The following RALGAPB variants were observed in gnomAD, a reference collection of about 807,000 sequenced individuals.
RALGAPB encodes the protein Ral GTPase activating protein non-catalytic subunit beta.
Under a neutral mutation model 161.1 loss-of-function variants are expected in RALGAPB, and 25 were observed. The ratio of observed to expected loss-of-function variants is 0.16; its 90% CI spans 0.11 to 0.22. The LOEUF (loss-of-function observed/expected upper bound fraction) is 0.22. Ranked by LOEUF, RALGAPB falls within the 10% of genes least tolerant of loss-of-function variation. The pLI, the probability that RALGAPB is intolerant of heterozygous loss-of-function variation, is 1.00. For missense variants in RALGAPB, 1,391 were observed against 1,815.2 expected (o/e 0.77, Z 4.25); for synonymous variants, 629 against 626.1 (o/e 1.00, Z -0.07).
chr20:38,490,460 G>A (rs760586318), intron 2 of RALGAPB, among the ~76,000 whole-genome samples: 25 of 151,142 alleles, frequency 1.7e-4, no homozygotes, highest in Non-Finnish European at 2.5e-4. Context: ...TGCCCGCCTC[G>A]GCCTCCCAAA....
chr20:38,513,071 A>G (rs1002634506), intron 6 of RALGAPB, among the ~76,000 whole-genome samples: 4 of 152,096 alleles, frequency 2.6e-5, no homozygotes, highest in Admixed American at 2.6e-4. Flanking sequence ...GCAATTAAAA[A>G]TTTTTAAAAA....
chr20:38,529,599 G>A (rs1338231393), intron 13 of RALGAPB, among the ~76,000 whole-genome samples: 2 of 151,996 alleles, frequency 1.3e-5, no homozygotes, highest in Non-Finnish European at 2.9e-5. Context: ...TTGGGAGGCC[G>A]AGGTGGGTGG....
chr20:38,483,072 A>G (rs1413598374), intron 1 of RALGAPB, among the ~76,000 whole-genome samples: 3 of 152,124 alleles, frequency 2.0e-5, no homozygotes, highest in Non-Finnish European at 2.9e-5. Context: ...TGTTTTTTGT[A>G]GAGTTGGGTT....
rs1249102182 is a variant in RALGAPB at position 38,493,144 on chromosome 20, C to G, written c.389+12C>G. The G allele has an allele frequency of 3.2e-6, 5 of 1,567,234 alleles. No homozygotes were observed. Among genetic ancestry groups the G allele is most frequent in the Non-Finnish European group, 3.5e-6 (4 of 1,141,366 alleles). Reference sequence around the variant, plus strand: ...CTTTTTGTACCAAGGTAAGCTATACCTGTCTATCTGGCCCATTATCAGGGT... The same window carrying G: ...CTTTTTGTACCAAGGTAAGCTATACGTGTCTATCTGGCCCATTATCAGGGT... On this transcript the variant is annotated intron_variant, in intron 3 of 29. Coordinates refer to ENST00000262879, the MANE Select transcript of RALGAPB (RefSeq NM_020336.4).
rs1429933919 is a variant in RALGAPB, at chr20:38,493,200, G to A, written c.389+68G>A. 8 of 1,274,336 alleles carry A rather than the reference G, an allele frequency of 6.3e-6. No homozygotes were observed. The East Asian group carries it at 1.9e-4, about 30-fold the overall frequency. The allele number at this position is 1,274,336 out of a possible 1,614,324, so 78.9% of individuals were successfully genotyped here. A position where few individuals can be genotyped will look rare whatever the true frequency, so the allele number is the denominator to read the frequency against. ...TAAAATATTCATAAACGTTACTATA[G>A]TATAGGAGCTGATTTCATTGTTAGT... On this transcript the variant is annotated intron_variant, in intron 3 of 29. Coordinates refer to ENST00000262879, the MANE Select transcript of RALGAPB (RefSeq NM_020336.4).
intron 19 of RALGAPB, chr20:38,546,802 C>T (rs1181488269): frequency 5.1e-6 from 1 of 194,246 alleles, no homozygotes; most frequent in Non-Finnish European, 1.1e-5. Flanking sequence ...GTGCTACCTA[C>T]ACAGGCTAGA....
rs543088289 is a variant in RALGAPB, at chr20:38,534,685, G to A, written c.2246-389G>A. 1.4e-3 allele frequency among the ~76,000 whole-genome samples: 216 copies of A among 152,310 alleles called. 1 individual carries two copies. Among genetic ancestry groups the A allele is most frequent in the Non-Finnish European group, 2.5e-3 (171 of 68,028 alleles). On this transcript the variant is annotated intron_variant, in intron 15 of 29. Transcript: ENST00000262879. ...GTAATTCCTAGCATCTGAGGAGGCCGTAAAATTAGAACTTTCCTCTGTAAA... is the reference window on the plus strand; with the variant it reads ...GTAATTCCTAGCATCTGAGGAGGCCATAAAATTAGAACTTTCCTCTGTAAA...
At chr20:38,516,066 A>T in intron 6 of RALGAPB, 126 bp from the exon 7 acceptor site, 1 of 709,204 alleles carries the variant, frequency 1.4e-6, no homozygotes, top group Non-Finnish European at 2.2e-6. Context: ...GGCCCATTAA[A>T]TACAAATCAG....
chr20:38,557,612 C>T (rs1009983740), intron 22 of RALGAPB, among the ~76,000 whole-genome samples: 4 of 152,200 alleles, frequency 2.6e-5, no homozygotes, highest in Non-Finnish European at 5.9e-5. Flanking sequence ...TGGAATCATA[C>T]AGTATGTAGT....
intron 5 of RALGAPB, among the ~76,000 whole-genome samples, chr20:38,503,076 C>T (rs1314027172): frequency 6.6e-6 from 1 of 152,204 alleles, no homozygotes; most frequent in Non-Finnish European, 1.5e-5. Flanking sequence ...TGCTTCAAGC[C>T]TACAAGTGTC....
In RALGAPB at chr20:38,510,119, C is replaced by G. The variant is rs563913299; in HGVS notation, c.872+911C>G. ...ATCTGTCTTTATATGTATATAAACA[C>G]ACACACGCACATACACACACACACA... On this transcript the variant is annotated intron_variant, in intron 6 of 29. Transcript: ENST00000262879. 1.5e-5 allele frequency among the ~76,000 whole-genome samples: 2 copies of G among 131,702 alleles called. 1 individual carries two copies. The highest frequency in any genetic ancestry group is 6.1e-5 in the African/African-American group (2 of 32,752). The allele number at this position is 131,702 out of a possible 152,430, so 86.4% of individuals were successfully genotyped here. A position where few individuals can be genotyped will look rare whatever the true frequency, so the allele number is the denominator to read the frequency against.
intron 1 of RALGAPB, among the ~76,000 whole-genome samples, chr20:38,488,086 A>T (rs1477292788): frequency 6.6e-6 from 1 of 152,204 alleles, no homozygotes; most frequent in South Asian, 2.1e-4. Context: ...TGTATTTTCC[A>T]TTGTGACCCA....
intron 24 of RALGAPB, among the ~76,000 whole-genome samples, 172 bp from the exon 25 acceptor site, chr20:38,565,187 A>G (rs1360356356): frequency 1.3e-5 from 2 of 152,246 alleles, no homozygotes; most frequent in Non-Finnish European, 2.9e-5. Context: ...TTATTTAAAA[A>G]TAAAGACATC....
intron 2 of RALGAPB, among the ~76,000 whole-genome samples, chr20:38,490,242 T>C (rs1281163421): frequency 6.6e-6 from 1 of 152,178 alleles, no homozygotes; most frequent in Non-Finnish European, 1.5e-5. Context: ...GGAGTCTCGC[T>C]CTGTTGCCCA....
intron 6 of RALGAPB, among the ~76,000 whole-genome samples, chr20:38,510,161 CACACAG>C (rs1479197651): frequency 2.2e-4 from 32 of 142,372 alleles, no homozygotes; most frequent in Non-Finnish European, 3.6e-4. Flanking sequence ...CACACACACA[CACACAG>C]ACACACGCAT....
intron 18 of RALGAPB, among the ~76,000 whole-genome samples, chr20:38,543,844 G>A (rs1315970419): frequency 2.0e-5 from 3 of 152,022 alleles, no homozygotes; most frequent in East Asian, 3.9e-4. Flanking sequence ...CTGTACTTCC[G>A]TGCTCATTCT....
chr20:38,536,314 C>T (rs2086801814), intron 16 of RALGAPB, among the ~76,000 whole-genome samples: 1 of 152,088 alleles, frequency 6.6e-6, no homozygotes, highest in Non-Finnish European at 1.5e-5. Context: ...AACTGTATTC[C>T]CTTTTATGAT....
At chr20:38,573,893 A>AT in intron 28 of RALGAPB, 2 of 261,292 alleles carry the variant, frequency 7.7e-6, no homozygotes, top group Non-Finnish European at 1.4e-5. Context: ...AAGCATATAT[A>AT]TTTTTTCAGC....
intron 3 of RALGAPB, among the ~76,000 whole-genome samples, chr20:38,496,256 G>T (rs961502297): frequency 6.6e-6 from 1 of 152,034 alleles, no homozygotes; most frequent in African/African-American, 2.4e-5. Flanking sequence ...GCAACTCTAG[G>T]GTAAGTGTCG....
Sources: gnomAD v4.1 joint callset for allele counts (sites outside exome capture counted in the v4.1 genomes callset) on GRCh38, gnomAD v4.1.1 for gene constraint, MANE v1.5 for transcripts, NCBI Gene and HGNC (gene_info 2026-07-23, HGNC 2026-07-21) for gene names.